Variants in MGARP observed in about 807,000 individuals in gnomAD.
MGARP encodes protein MGARP.
Under a neutral mutation model 11.0 loss-of-function variants are expected in MGARP, and 12 were observed. That is an observed-to-expected ratio of 1.09 (90% CI 0.70 to 1.77). The LOEUF is 1.77. Among genes scored for constraint, MGARP ranks in the 40% most tolerant of loss-of-function variants. The probability of loss-of-function intolerance (pLI) is 0.00; values close to 1 mark genes in which losing one functional copy is unlikely to be tolerated. For missense variants in MGARP, 283 were observed against 297.8 expected, an observed-to-expected ratio of 0.95 and a Z score of 0.36; for synonymous variants, 110 against 115.4, an observed-to-expected ratio of 0.95 and a Z score of 0.30.
intron 2 of MGARP, among the ~76,000 whole-genome samples, chr4:139,271,253 T>C (rs1744776825): frequency 6.6e-6 from 1 of 152,148 alleles, no homozygotes; most frequent in African/African-American, 2.4e-5. Flanking sequence ...AGGCCGGGCA[T>C]GGTGGCTCAC....
chr4:139,276,168 T>G (rs1467374909), intron 1 of MGARP, among the ~76,000 whole-genome samples: 2 of 152,184 alleles, frequency 1.3e-5, no homozygotes, highest in Admixed American at 6.5e-5. Context: ...ATTTTAAAAA[T>G]AAAGACATAA....
chr4:139,269,770 G>A (rs777532080), intron 2 of MGARP, among the ~76,000 whole-genome samples: 1 of 151,840 alleles, frequency 6.6e-6, no homozygotes, highest in Admixed American at 6.6e-5. Flanking sequence ...ATTAGAAAAT[G>A]ATATAAAAAA....
At position 139,266,977 on chromosome 4, in the gene MGARP, C is replaced by T. The variant is rs988505390; in HGVS notation, c.345G>A (p.Val115=). 3.1e-6 allele frequency: 5 copies of T among 1,614,060 alleles called. No individual in the cohort carries two copies. In the East Asian group the frequency reaches 6.7e-5, roughly 22 times the overall value. ...ASSEAPEELI[V]EAEVVDAEES... ...CTTCAGCATCTACCACCTCAGCTTC[C>T]ACTATAAGTTCTTCTGGGGCTTCTG... is the stretch of plus-strand genomic sequence containing the variant. The change falls in exon 4 of 4, where the codon GTG becomes GTA. Residue 115 remains valine (V), a synonymous_variant. Transcript: ENST00000398955.
At chr4:139,276,872 C>T (rs1320467632) in intron 1 of MGARP, among the ~76,000 whole-genome samples, 3 of 152,028 alleles carry the variant, frequency 2.0e-5, no homozygotes, top group African/African-American at 4.8e-5. Flanking sequence ...ATGCTTGGGA[C>T]CAGAAGTGTT....
At chr4:139,274,526 C>T (rs1744838216) in intron 2 of MGARP, among the ~76,000 whole-genome samples, 1 of 151,872 alleles carries the variant, frequency 6.6e-6, no homozygotes, top group Non-Finnish European at 1.5e-5. Context: ...CTCTGTTGCC[C>T]ACACTGGAGT....
In MGARP at chr4:139,266,480, C is replaced by G. The variant is rs149607840; in HGVS notation, c.*119G>C. ...CAGTGGATGCCAAAAATCTTCAAGA[C>G]CCATTAACGTTTTCTAGAAAATAAG... On this transcript the variant is annotated 3_prime_UTR_variant, in exon 4 of 4. Coordinates refer to ENST00000398955, the MANE Select transcript of MGARP (RefSeq NM_032623.4). 1.0e-6 allele frequency: 1 copy of G among 955,056 alleles called. No individual in the cohort carries two copies. The highest frequency in any genetic ancestry group is 2.9e-5 in the Admixed American group (1 of 34,440). 59.2% of individuals were successfully genotyped at this position (955,056 alleles called of 1,614,324 possible).
intron 2 of MGARP, among the ~76,000 whole-genome samples, chr4:139,270,199 C>A (rs1203882518): frequency 1.3e-5 from 2 of 150,594 alleles, no homozygotes; most frequent in Non-Finnish European, 2.9e-5. Flanking sequence ...ACTCGGGAGG[C>A]TGAGGCAGGA....
chr4:139,275,158 A>G (rs982843520), intron 2 of MGARP, 131 bp downstream of exon 2: 20 of 672,322 alleles, frequency 3.0e-5, no homozygotes, highest in Non-Finnish European at 4.5e-5. Flanking sequence ...TGTATGCTTA[A>G]TGACACTTAA....
intron 2 of MGARP, among the ~76,000 whole-genome samples, chr4:139,270,376 G>A (rs1427721169): frequency 1.3e-5 from 2 of 151,192 alleles, no homozygotes; most frequent in African/African-American, 4.9e-5. Flanking sequence ...TTGGGAGGCC[G>A]AGGCAGGCGG....
chr4:139,266,404 G>A lies in MGARP; in HGVS notation c.*195C>T, dbSNP rs1236860480. On this transcript the variant is annotated 3_prime_UTR_variant, in exon 4 of 4. Coordinates refer to ENST00000398955, the MANE Select transcript of MGARP (RefSeq NM_032623.4). ...TGTCATATTCTGATCTCAGACAGTA[G>A]AAGAGTAGTAAGAAATGTACAATCT... 5 of 584,168 alleles carry A rather than the reference G, an allele frequency of 8.6e-6. No individual in the cohort carries two copies. The East Asian group carries it at 1.4e-4, about 17-fold the overall frequency. 36.2% of individuals were successfully genotyped at this position (584,168 alleles called of 1,614,324 possible). A position where few individuals can be genotyped will look rare whatever the true frequency, so the allele number is the denominator to read the frequency against.
At chr4:139,275,050 A>T (rs1266543269) in intron 2 of MGARP, among the ~76,000 whole-genome samples, 2 of 152,348 alleles carry the variant, frequency 1.3e-5, no homozygotes, top group South Asian at 2.1e-4. Flanking sequence ...AATAAAACTT[A>T]AAAATAAACT....
rs957293303 is a variant in MGARP, at chr4:139,266,968, C to T, written c.354G>A (p.Glu118=). Residue 118 remains glutamate, a synonymous_variant, in exon 4 of 4, where the codon GAG becomes GAA. Coordinates refer to ENST00000398955, the MANE Select transcript of MGARP (RefSeq NM_032623.4). ...TGGGACTTTCTTCAGCATCTACCAC[C>T]TCAGCTTCCACTATAAGTTCTTCTG... is the stretch of plus-strand genomic sequence containing the variant. The part of the protein sequence containing the change: ...EAPEELIVEA[E]VVDAEESPSA... 8 of 1,614,210 alleles carry T rather than the reference C, an allele frequency of 5.0e-6. No homozygotes were observed. The East Asian group carries it at 1.8e-4, about 36-fold the overall frequency.
intron 2 of MGARP, among the ~76,000 whole-genome samples, chr4:139,269,249 AG>A (rs1744739854): frequency 6.6e-6 from 1 of 151,980 alleles, no homozygotes; most frequent in South Asian, 2.1e-4. Flanking sequence ...AATATTTTCT[AG>A]CATTTATCCT....
At chr4:139,267,143 G>A in intron 3 of MGARP, 102 bp from the exon 4 acceptor site, 1 of 1,075,606 alleles carries the variant, frequency 9.3e-7, no homozygotes, top group Middle Eastern at 2.1e-4. Context: ...TACATGCACT[G>A]ATGTGTAACA....
chr4:139,280,057 G>T lies in MGARP; in HGVS notation c.82+20C>A. 1 of 1,611,360 alleles carries T rather than the reference G, an allele frequency of 6.2e-7. No homozygotes were observed. Among genetic ancestry groups the T allele is most frequent in the Non-Finnish European group, 8.5e-7 (1 of 1,179,374 alleles). ...CCCGAGGCGCCCGTCCTCCTCTCCG[G>T]GCTAGACCTCCTTACTCACCGTCCT... On this transcript the variant is annotated intron_variant, in intron 1 of 3. Coordinates refer to ENST00000398955, the MANE Select transcript of MGARP (RefSeq NM_032623.4).
chr4:139,277,986 G>A (rs947966671), intron 1 of MGARP, among the ~76,000 whole-genome samples: 1 of 152,108 alleles, frequency 6.6e-6, no homozygotes, highest in Non-Finnish European at 1.5e-5. Flanking sequence ...CCAGCACTTT[G>A]GGAGGCCGAG....
At chr4:139,270,850 C>T (rs2110730594) in intron 2 of MGARP, among the ~76,000 whole-genome samples, 1 of 152,212 alleles carries the variant, frequency 6.6e-6, no homozygotes, top group African/African-American at 2.4e-5. Flanking sequence ...TATGATAAGT[C>T]AGTATCCCCA....
chr4:139,272,219 A>T (rs947329028), intron 2 of MGARP, among the ~76,000 whole-genome samples: 14 of 151,802 alleles, frequency 9.2e-5, no homozygotes, highest in Admixed American at 7.9e-4. Context: ...CAGTTTCCTG[A>T]CTCCTTGAGG....
At position 139,267,029 on chromosome 4, in the gene MGARP, T is replaced by G; in HGVS notation, c.293A>C (p.Asn98Thr). ...ACTTGCTTTCTCAGTTTCCGCAACA[T>G]TCTCCTTTTCACCTTTAAGAATTAG... Reference protein sequence around the residue: ...EIHPFQGEKENVAETEKASSE... With the variant: ...EIHPFQGEKETVAETEKASSE... Residue 98 changes from asparagine to threonine, a missense_variant, in exon 4 of 4, where the codon AAT becomes ACT. Coordinates refer to ENST00000398955, the MANE Select transcript of MGARP (RefSeq NM_032623.4). The G allele has an allele frequency of 6.2e-7, 1 of 1,613,438 alleles. No homozygotes were observed.
Sources: gnomAD v4.1 joint callset for allele counts (sites outside exome capture counted in the v4.1 genomes callset) on GRCh38, gnomAD v4.1.1 for gene constraint, MANE v1.5 for transcripts, NCBI Gene and HGNC (gene_info 2026-07-23, HGNC 2026-07-21) for gene names.